LDLRAD3: variants seen among roughly 807,000 people sequenced by gnomAD.
LDLRAD3 encodes the protein low density lipoprotein receptor class A domain containing 3, also known as low-density lipoprotein receptor class A domain-containing protein 3.
A neutral mutation model predicts 29.4 loss-of-function variants in LDLRAD3; 20 were observed. That is an observed-to-expected ratio of 0.68 (90% CI 0.48 to 0.99). LDLRAD3 has a LOEUF of 0.99. Ranked by LOEUF, LDLRAD3 falls within the 50% of genes least tolerant of loss-of-function variation. LDLRAD3 has a pLI of 0.00. For missense variants in LDLRAD3, 420 were observed against 454.3 expected (o/e 0.92, Z 0.69); for synonymous variants, 157 against 192.7 (o/e 0.81, Z 1.53).
chr11:36,114,716 C>A (rs1481746428), intron 4 of LDLRAD3, among the ~76,000 whole-genome samples: 2 of 152,164 alleles, frequency 1.3e-5, no homozygotes, highest in African/African-American at 4.8e-5. Flanking sequence ...TTGGCCAGTG[C>A]CTGCCTGCCT....
At chr11:36,042,323 C>G (rs1463439254) in intron 2 of LDLRAD3, among the ~76,000 whole-genome samples, 1 of 152,140 alleles carries the variant, frequency 6.6e-6, no homozygotes, top group Non-Finnish European at 1.5e-5. Flanking sequence ...AGCTGTTTCT[C>G]TAGGGCACCT....
chr11:36,127,404 G>C (rs1853853674), intron 4 of LDLRAD3, among the ~76,000 whole-genome samples: 1 of 152,088 alleles, frequency 6.6e-6, no homozygotes, highest in Admixed American at 6.5e-5. Context: ...TTTAATCCTG[G>C]CTGGTTCCTT....
chr11:36,026,661 A>G (rs1248784163), intron 1 of LDLRAD3, among the ~76,000 whole-genome samples: 2 of 152,264 alleles, frequency 1.3e-5, no homozygotes, highest in African/African-American at 4.8e-5. Context: ...GATGGCGAGG[A>G]ACATGACCTC....
chr11:36,134,973 A>G (rs2133309632), intron 4 of LDLRAD3, among the ~76,000 whole-genome samples: 1 of 152,096 alleles, frequency 6.6e-6, no homozygotes, highest in East Asian at 1.9e-4. Context: ...GGTTACTCTT[A>G]TGTCCCCAGT....
At chr11:36,217,008 C>G (rs1855361697) in intron 4 of LDLRAD3, among the ~76,000 whole-genome samples, 1 of 152,164 alleles carries the variant, frequency 6.6e-6, no homozygotes, top group East Asian at 1.9e-4. Context: ...CTTGTTTGCT[C>G]TATGACCTTC....
At position 36,072,775 on chromosome 11, in the gene LDLRAD3, C is replaced by T. The variant is rs550007127; in HGVS notation, c.194-8878C>T. Among the ~76,000 whole-genome samples the T allele has an allele frequency of 2.0e-5, 3 of 152,296 alleles. No individual in the cohort carries two copies. In the South Asian group the frequency reaches 6.2e-4, roughly 32 times the overall value. Reference sequence around the variant, plus strand: ...TACTGAGTGCACCTATGTGGACTGCCTGTGTGCCCCAGCTGTTACACGAGT... The same window carrying T: ...TACTGAGTGCACCTATGTGGACTGCTTGTGTGCCCCAGCTGTTACACGAGT... On this transcript the variant is annotated intron_variant, in intron 2 of 5. Coordinates refer to ENST00000315571, the MANE Select transcript of LDLRAD3 (RefSeq NM_174902.4).
chr11:36,114,051 T>C (rs1853641475), intron 4 of LDLRAD3, among the ~76,000 whole-genome samples: 1 of 152,184 alleles, frequency 6.6e-6, no homozygotes, highest in Non-Finnish European at 1.5e-5. Flanking sequence ...GGAGATTGGA[T>C]GGGTACTGGG....
chr11:36,069,830 T>C (rs1000323508), intron 2 of LDLRAD3, among the ~76,000 whole-genome samples: 3 of 152,328 alleles, frequency 2.0e-5, no homozygotes, highest in African/African-American at 4.8e-5. Flanking sequence ...AGGTGTCTTC[T>C]ATGTATTCTC....
At chr11:36,154,769 G>T (rs976125574) in intron 4 of LDLRAD3, among the ~76,000 whole-genome samples, 4 of 152,138 alleles carry the variant, frequency 2.6e-5, no homozygotes, top group Admixed American at 2.0e-4. Flanking sequence ...ATGTCAGAGG[G>T]ACATCCATGT....
intron 4 of LDLRAD3, among the ~76,000 whole-genome samples, chr11:36,138,412 C>G (rs1193057952): frequency 2.0e-5 from 3 of 152,104 alleles, no homozygotes; most frequent in Admixed American, 6.5e-5. Flanking sequence ...GTAGTTTGAC[C>G]AAATCAAAGA....
At chr11:35,974,598 C>T (rs562079636) in intron 1 of LDLRAD3, among the ~76,000 whole-genome samples, 1 of 152,230 alleles carries the variant, frequency 6.6e-6, no homozygotes, top group Non-Finnish European at 1.5e-5. Flanking sequence ...TAGCAAAATT[C>T]ATTTCCTTGC....
chr11:36,017,808 G>A (rs2133194501), intron 1 of LDLRAD3, among the ~76,000 whole-genome samples: 1 of 152,262 alleles, frequency 6.6e-6, no homozygotes, highest in South Asian at 2.1e-4. Context: ...ATAGGCATGA[G>A]CCACTACATC....
At chr11:36,144,684 TCCGCCCGGCAGCCACCCCG>T (rs1854145947) in intron 4 of LDLRAD3, among the ~76,000 whole-genome samples, 1 of 120,936 alleles carries the variant, frequency 8.3e-6, no homozygotes, top group Non-Finnish European at 1.7e-5. Flanking sequence ...GAGGAGCCCC[TCCGCCCGGCAGCCACCCCG>T]TCTGGGAAGT....
chr11:36,153,451 G>A lies in LDLRAD3; in HGVS notation c.454+54990G>A, dbSNP rs183351050. On this transcript the variant is annotated intron_variant, in intron 4 of 5. Coordinates refer to ENST00000315571, the MANE Select transcript of LDLRAD3 (RefSeq NM_174902.4). Reference sequence around the variant, plus strand: ...GAGAACTTTTAATTGAACACAGTTGGGGGTATCTCTGCTTTCCCAGACCTT... The same window carrying A: ...GAGAACTTTTAATTGAACACAGTTGAGGGTATCTCTGCTTTCCCAGACCTT... Among the ~76,000 whole-genome samples the A allele has an allele frequency of 1.1e-3, 172 of 152,214 alleles. 1 individual carries two copies. The highest frequency in any genetic ancestry group is 1.8e-3 in the Non-Finnish European group (125 of 68,008).
chr11:36,107,678 C>T (rs1283806100), intron 4 of LDLRAD3, among the ~76,000 whole-genome samples: 5 of 152,218 alleles, frequency 3.3e-5, no homozygotes, highest in African/African-American at 7.2e-5. Flanking sequence ...AGTAACATGC[C>T]GTACAGGTTT....
chr11:36,202,284 C>T (rs1422518690), intron 4 of LDLRAD3, among the ~76,000 whole-genome samples: 1 of 152,102 alleles, frequency 6.6e-6, no homozygotes, highest in Non-Finnish European at 1.5e-5. Flanking sequence ...GTGATCCACC[C>T]GCCTCAGCCT....
chr11:36,197,328 T>C (rs549657165), intron 4 of LDLRAD3: 1 of 152,266 alleles, frequency 6.6e-6, no homozygotes, highest in East Asian at 1.9e-4. Flanking sequence ...TTTTATTTAA[T>C]ACATATTTAT....
At chr11:36,212,344 G>A (rs1435865204) in intron 4 of LDLRAD3, among the ~76,000 whole-genome samples, 2 of 152,124 alleles carry the variant, frequency 1.3e-5, no homozygotes, top group African/African-American at 2.4e-5. Context: ...TGCAGTAGGA[G>A]AGGTAGCAAA....
rs142075081 is a variant in LDLRAD3, at chr11:36,165,447, C to T, written c.455-61638C>T. Among the ~76,000 whole-genome samples the T allele has an allele frequency of 2.9e-3, 444 of 152,022 alleles. 3 individuals are homozygous for T. The highest frequency in any genetic ancestry group is 0.01 in the African/African-American group (426 of 41,488). The stretch of plus-strand genomic sequence containing the variant: ...TTTAGGGCCCATTACACTTATATTA[C>T]TAACTTGTTATCCAAATGGATATCT... On this transcript the variant is annotated intron_variant, in intron 4 of 5. Transcript: ENST00000315571.
Sources: gnomAD v4.1 joint callset for allele counts (sites outside exome capture counted in the v4.1 genomes callset) on GRCh38, gnomAD v4.1.1 for gene constraint, MANE v1.5 for transcripts, NCBI Gene and HGNC (gene_info 2026-07-23, HGNC 2026-07-21) for gene names.